The following SAP130 variants were observed in gnomAD, a reference collection of about 807,000 sequenced individuals.
SAP130 encodes Sin3A associated protein 130, also known as histone deacetylase complex subunit SAP130.
In SAP130, 16 loss-of-function variants were observed where a neutral mutation model predicts 103.2. The observed-to-expected ratio is 0.16, with a 90% CI of 0.10 to 0.24. The LOEUF (loss-of-function observed/expected upper bound fraction) is 0.24, where lower values mean the gene tolerates loss of function less well. SAP130 is among the 10% of genes least tolerant of loss of function. The pLI, the probability that SAP130 is intolerant of heterozygous loss-of-function variation, is 1.00. For synonymous variants in SAP130, 477 were observed against 497.0 expected (o/e 0.96, Z 0.53); for missense variants, 990 against 1,359.7 (o/e 0.73, Z 4.28).
rs770244037 is a variant in SAP130 at position 127,942,391 on chromosome 2, T to C, written c.3015+33A>G. ...CTTTACAGAAAGCAACTTCATAAAGTAGATGATCAGAAGGGAAGGGGCGCA... is the reference window on the plus strand; with the variant it reads ...CTTTACAGAAAGCAACTTCATAAAGCAGATGATCAGAAGGGAAGGGGCGCA... On this transcript the variant is annotated intron_variant, in intron 20 of 20. Coordinates refer to ENST00000643581, the MANE Select transcript of SAP130 (RefSeq NM_001330301.2). This position sits in a 1 kb window ranked among gnomAD's most constrained non-coding sequence, Gnocchi z 4.8. 2.8e-6 allele frequency: 4 copies of C among 1,444,922 alleles called. No individual in the cohort carries two copies. Among genetic ancestry groups the C allele is most frequent in the Non-Finnish European group, 3.9e-6 (4 of 1,026,438 alleles). The allele number at this position is 1,444,922 out of a possible 1,614,324, so 89.5% of individuals were successfully genotyped here.
intron 18 of SAP130, 42 bp downstream of exon 18, chr2:127,949,827 C>T: frequency 2.5e-6 from 4 of 1,594,366 alleles, no homozygotes; most frequent in Non-Finnish European, 3.4e-6. Context: ...AAGTTTACAC[C>T]AATTTCATGC....
chr2:127,961,228 G>A (rs1035737555), intron 15 of SAP130, among the ~76,000 whole-genome samples: 5 of 151,206 alleles, frequency 3.3e-5, no homozygotes, highest in Non-Finnish European at 5.9e-5. Context: ...GGGCTCAAGC[G>A]ATCCACCCAT....
At chr2:127,964,234 C>T (rs1189428363) in intron 15 of SAP130, among the ~76,000 whole-genome samples, 7 of 152,248 alleles carry the variant, frequency 4.6e-5, no homozygotes, top group Non-Finnish European at 1.5e-5. Context: ...TGGCTCACGC[C>T]TGTAATCCCA....
Position 127,953,990 on chromosome 2 carries a change from C to T in SAP130, c.2422+996G>A, listed in dbSNP as rs958920626. On this transcript the variant is annotated intron_variant, in intron 16 of 20. Transcript: ENST00000643581. This position sits in a 1 kb window ranked among gnomAD's most constrained non-coding sequence, Gnocchi z 4.0. ...GCATTTGTCTTACACAAAGTTGCAT[C>T]GTCAGTGCCCAGAACAATTCCTGGA... is the stretch of plus-strand genomic sequence containing the variant. Among the ~76,000 whole-genome samples the T allele has an allele frequency of 1.2e-4, 19 of 152,146 alleles. No individual in the cohort carries two copies. The highest frequency in any genetic ancestry group is 3.8e-4 in the East Asian group (2 of 5,204).
chr2:128,021,394 T>C (rs1051585931), intron 2 of SAP130, among the ~76,000 whole-genome samples: 1 of 144,226 alleles, frequency 6.9e-6, no homozygotes, highest in Non-Finnish European at 1.5e-5. Context: ...TTGCAGTGAG[T>C]CGAGATCGCG....
At chr2:127,957,348 C>T (rs1351312673) in intron 15 of SAP130, among the ~76,000 whole-genome samples, 2 of 152,128 alleles carry the variant, frequency 1.3e-5, no homozygotes, top group Admixed American at 1.3e-4. Context: ...AAAGAAAAAA[C>T]ACTAGAGTCT....
chr2:127,945,641 T>A, intron 18 of SAP130, 82 bp from the exon 19 acceptor site: 1 of 829,424 alleles, frequency 1.2e-6, no homozygotes, highest in Non-Finnish European at 2.0e-6. Context: ...GTAAATGCCA[T>A]TATTTTAACA....
chr2:128,006,377 T>G (rs1175223761), intron 7 of SAP130, among the ~76,000 whole-genome samples: 2 of 152,240 alleles, frequency 1.3e-5, no homozygotes, highest in Non-Finnish European at 2.9e-5. Context: ...GTAGAAAAAT[T>G]AAGATATGAC....
chr2:128,017,731 T>G lies in SAP130; in HGVS notation c.297A>C (p.Pro99=). ...GTGGCACTGCTGGCGTCAGGTGTGC[T>G]GGCGGGGCTGTCACTGCAACAGGTG... ...SATPVAVTAP[P]AHLTPAVPLS... The change falls in exon 3 of 21, where the codon CCA becomes CCC. Residue 99 remains proline, a synonymous_variant. Coordinates refer to ENST00000643581, the MANE Select transcript of SAP130 (RefSeq NM_001330301.2). 1 of 1,614,226 alleles carries G rather than the reference T, an allele frequency of 6.2e-7. No homozygotes were observed. Among genetic ancestry groups the G allele is most frequent in the Non-Finnish European group, 8.5e-7 (1 of 1,180,026 alleles).
chr2:127,995,383 C>A (rs2105052858), intron 11 of SAP130, among the ~76,000 whole-genome samples: 1 of 152,218 alleles, frequency 6.6e-6, no homozygotes, highest in Non-Finnish European at 1.5e-5. Context: ...CAGAAGCAGA[C>A]AGAAAGAACC....
intron 16 of SAP130, among the ~76,000 whole-genome samples, chr2:127,951,243 T>C (rs1679477255): frequency 6.6e-6 from 1 of 152,174 alleles, no homozygotes; most frequent in Admixed American, 6.5e-5. Context: ...ACGTAAACAT[T>C]TGCTTGAGCT....
At chr2:127,964,580 C>T (rs906705392) in intron 15 of SAP130, among the ~76,000 whole-genome samples, 1 of 149,658 alleles carries the variant, frequency 6.7e-6, no homozygotes, top group Non-Finnish European at 1.5e-5. Context: ...GCAATGAAAG[C>T]ATTATTTAGA....
At chr2:127,969,897 C>G (rs1433263759) in intron 15 of SAP130, among the ~76,000 whole-genome samples, 1 of 151,692 alleles carries the variant, frequency 6.6e-6, no homozygotes, top group Non-Finnish European at 1.5e-5. Context: ...GAGGTTGAGA[C>G]CAGCCTGTGC....
intron 15 of SAP130, among the ~76,000 whole-genome samples, chr2:127,965,644 G>A (rs1680603300): frequency 6.6e-6 from 1 of 151,910 alleles, no homozygotes; most frequent in Non-Finnish European, 1.5e-5. Context: ...ACAAAAATTA[G>A]CTGGGCATAG....
intron 10 of SAP130, among the ~76,000 whole-genome samples, chr2:127,999,051 G>A (rs372073108): frequency 6.6e-6 from 1 of 152,156 alleles, no homozygotes; most frequent in Non-Finnish European, 1.5e-5. Context: ...AGAAGGTTAC[G>A]GGAAAAATTT....
chr2:128,021,422 G>A (rs1685147640), intron 2 of SAP130, among the ~76,000 whole-genome samples: 1 of 150,698 alleles, frequency 6.6e-6, no homozygotes, highest in African/African-American at 2.4e-5. Flanking sequence ...ACTACAGCCT[G>A]GGCGACAGAA....
At chr2:128,021,098 A>T (rs1685120762) in intron 2 of SAP130, among the ~76,000 whole-genome samples, 1 of 152,176 alleles carries the variant, frequency 6.6e-6, no homozygotes, top group African/African-American at 2.4e-5. Flanking sequence ...TTTTATCAAC[A>T]ATCTTGTCCA....
intron 13 of SAP130, among the ~76,000 whole-genome samples, chr2:127,988,728 T>C (rs1285968244): frequency 1.3e-5 from 2 of 152,118 alleles, no homozygotes. Flanking sequence ...CTTGCACCTA[T>C]AGTCCCAGTT....
chr2:127,983,973 T>C (rs1054558049), intron 14 of SAP130, among the ~76,000 whole-genome samples: 4 of 152,084 alleles, frequency 2.6e-5, no homozygotes, highest in African/African-American at 9.7e-5. Flanking sequence ...TATAACAAAC[T>C]CCTTACTTTG....
Sources: allele counts gnomAD v4.1 joint callset (sites outside exome capture counted in the v4.1 genomes callset), GRCh38; gene constraint gnomAD v4.1.1; non-coding constraint Gnocchi (gnomAD v3.1); transcripts MANE v1.5; gene names NCBI Gene and HGNC (gene_info 2026-07-23, HGNC 2026-07-21).